The following DAB1 variants were observed in gnomAD, a reference collection of about 807,000 sequenced individuals.
The protein encoded by DAB1 is disabled homolog 1.
DAB1 carries 15 observed loss-of-function variants against 64.6 expected under a neutral mutation model. The observed-to-expected ratio is 0.23, with a 90% CI of 0.16 to 0.36. The LOEUF is 0.36. DAB1 is among the 10% of genes least tolerant of loss of function. DAB1 has a pLI of 1.00. For synonymous variants in DAB1, 235 were observed against 251.9 expected (o/e 0.93, Z 0.64); for missense variants, 596 against 706.7 (o/e 0.84, Z 1.78).
chr1:58,376,438 C>T (rs2100542145), intron 3 of DAB1, among the ~76,000 whole-genome samples: 1 of 135,306 alleles, frequency 7.4e-6, no homozygotes, highest in East Asian at 2.0e-4. Context: ...CCTTATGTAC[C>T]CAGTAGTCAT....
At chr1:58,037,848 T>C (rs1194804832) in intron 5 of DAB1, among the ~76,000 whole-genome samples, 2 of 152,142 alleles carry the variant, frequency 1.3e-5, no homozygotes, top group Non-Finnish European at 2.9e-5. Context: ...TAGATCAGGT[T>C]CATATCAGTC....
chr1:58,511,007 T>G (rs1163718812), intron 2 of DAB1, among the ~76,000 whole-genome samples: 2 of 152,180 alleles, frequency 1.3e-5, no homozygotes, highest in African/African-American at 4.8e-5. Flanking sequence ...CATCCCATGT[T>G]CATGGATTGT....
chr1:57,508,462 C>T, intron 7 of DAB1, among the ~76,000 whole-genome samples: 1 of 152,218 alleles, frequency 6.6e-6, no homozygotes, highest in Non-Finnish European at 1.5e-5. Context: ...ATAATTAGCT[C>T]CATCTTCTCA....
chr1:57,611,333 A>G lies in DAB1; in HGVS notation n.625+38259T>C, dbSNP rs189553434. Among the ~76,000 whole-genome samples the G allele has an allele frequency of 3.0e-3, 461 of 152,162 alleles. 1 individual carries two copies. Among genetic ancestry groups the G allele is most frequent in the African/African-American group, 0.011 (436 of 41,508 alleles). On this transcript the variant is annotated intron_variant and non_coding_transcript_variant, in intron 7 of 20. Transcript: ENST00000485760. ...TCTCTTTCCTGAGGACACTCCCAGAATGTTTATTGTTCTATCACCTCCTGC... is the reference window on the plus strand; with the variant it reads ...TCTCTTTCCTGAGGACACTCCCAGAGTGTTTATTGTTCTATCACCTCCTGC...
At chr1:57,975,944 A>G (rs972608524) in intron 5 of DAB1, among the ~76,000 whole-genome samples, 1 of 152,198 alleles carries the variant, frequency 6.6e-6, no homozygotes, top group African/African-American at 2.4e-5. Context: ...GCAGCCAGCA[A>G]TACTTCCAAG....
intron 7 of DAB1, among the ~76,000 whole-genome samples, chr1:57,479,817 A>T (rs1258272066): frequency 6.6e-6 from 1 of 152,194 alleles, no homozygotes; most frequent in Non-Finnish European, 1.5e-5. Flanking sequence ...TATACTTCAT[A>T]TAAATCAGCT....
chr1:57,436,087 T>C (rs1685685026), intron 7 of DAB1, among the ~76,000 whole-genome samples: 1 of 151,984 alleles, frequency 6.6e-6, no homozygotes, highest in Admixed American at 6.6e-5. Flanking sequence ...TGGCTAATTT[T>C]TGTAGTTTTA....
chr1:57,819,054 C>A (rs772813240), intron 6 of DAB1, among the ~76,000 whole-genome samples: 33 of 152,026 alleles, frequency 2.2e-4, no homozygotes, highest in Non-Finnish European at 4.4e-4. Context: ...TTCTTCTATC[C>A]CCATGAGCCT....
At chr1:58,134,829 T>C (rs1653852988) in intron 5 of DAB1, among the ~76,000 whole-genome samples, 1 of 152,118 alleles carries the variant, frequency 6.6e-6, no homozygotes, top group Non-Finnish European at 1.5e-5. Flanking sequence ...ACATGAGATT[T>C]GGGTGGGGAC....
At chr1:57,156,666 A>G (rs1472362531) in intron 2 of DAB1, among the ~76,000 whole-genome samples, 6 of 152,200 alleles carry the variant, frequency 3.9e-5, no homozygotes, top group Non-Finnish European at 8.8e-5. Flanking sequence ...GTCCTCAAGG[A>G]ATAAAATTCC....
chr1:58,367,602 A>T lies in DAB1; in HGVS notation n.258-24199T>A, dbSNP rs72669830. ...TAGACTAGCCAGCTACTTGGTGGCAAGTTAATTATCATCAGTGCCCTTCTA... is the reference window on the plus strand; with the variant it reads ...TAGACTAGCCAGCTACTTGGTGGCATGTTAATTATCATCAGTGCCCTTCTA... On this transcript the variant is annotated intron_variant and non_coding_transcript_variant, in intron 3 of 20. Transcript: ENST00000485760. Among the ~76,000 whole-genome samples, 1,122 of 152,262 alleles carry T rather than the reference A, an allele frequency of 7.4e-3. 9 individuals are homozygous for T. The highest frequency in any genetic ancestry group is 0.012 in the Admixed American group (185 of 15,298).
At chr1:57,956,784 T>C (rs1233628167) in intron 5 of DAB1, among the ~76,000 whole-genome samples, 2 of 152,328 alleles carry the variant, frequency 1.3e-5, no homozygotes, top group South Asian at 4.1e-4. Context: ...AAAAATCATA[T>C]GCAACTGAAG....
rs1473361558 is a variant in DAB1, at chr1:57,084,230, G to GTATAT, written c.307-11817_307-11816insATATA. On this transcript the variant is annotated intron_variant, in intron 4 of 14. Coordinates refer to ENST00000371236, the MANE Select transcript of DAB1 (RefSeq NM_001365792.1). The stretch of plus-strand genomic sequence containing the variant: ...GTGTCCTTATAAAAGAAGGAAATCT[G>GTATAT]GGCACAGACATGTATATGGAGAGAA... Among the ~76,000 whole-genome samples the GTATAT allele has an allele frequency of 1.1e-3, 173 of 152,270 alleles. 2 individuals are homozygous for GTATAT. The highest frequency in any genetic ancestry group is 3.9e-3 in the African/African-American group (160 of 41,552).
At chr1:58,105,739 T>G (rs888098970) in intron 5 of DAB1, among the ~76,000 whole-genome samples, 11 of 152,150 alleles carry the variant, frequency 7.2e-5, no homozygotes, top group African/African-American at 2.4e-4. Context: ...ATGAGGAAAG[T>G]AAGAAAAAGT....
At position 57,015,304 on chromosome 1, in the gene DAB1, C is replaced by G; in HGVS notation, c.1023G>C (p.Trp341Cys). 6.2e-7 allele frequency: 1 copy of G among 1,614,098 alleles called. No homozygotes were observed. The highest frequency in any genetic ancestry group is 8.5e-7 in the Non-Finnish European group (1 of 1,180,034). The change falls in exon 12 of 15, where the codon TGG becomes TGC. Residue 341 changes from tryptophan (W) to cysteine (C), a missense_variant. By Grantham distance (215) the Trp-to-Cys change is radical (BLOSUM62 -2). Around this residue, in one of 3 missense-constraint regions of DAB1, gnomAD observed 377 missense variants for 400.4 expected, o/e 0.94. Coordinates refer to ENST00000371236, the MANE Select transcript of DAB1 (RefSeq NM_001365792.1). The part of the protein sequence containing the change: ...QVMPGAQPIA[W>C]GQPGLFPATQ... ...TGGCAGGAAAGAGACCCGGCTGGCC[C>G]CATGCGATGGGCTGAGCCCCCGGCA...
chr1:57,904,516 A>C (rs1644521581), intron 5 of DAB1, among the ~76,000 whole-genome samples: 1 of 152,200 alleles, frequency 6.6e-6, no homozygotes, highest in African/African-American at 2.4e-5. Flanking sequence ...AGAAAACTGA[A>C]AATGGTAATA....
intron 3 of DAB1, among the ~76,000 whole-genome samples, chr1:58,391,766 C>T (rs78532177): frequency 6.6e-6 from 1 of 152,202 alleles, no homozygotes; most frequent in Non-Finnish European, 1.5e-5. Context: ...TGCACCCACT[C>T]TTAGTGTCGT....
intron 6 of DAB1, among the ~76,000 whole-genome samples, chr1:57,724,256 G>A (rs1400247586): frequency 6.9e-6 from 1 of 144,538 alleles, no homozygotes; most frequent in Non-Finnish European, 1.5e-5. Context: ...GGAAGGGAGG[G>A]AGGGAGGGAA....
chr1:57,681,809 A>G (rs1259090152), intron 6 of DAB1, among the ~76,000 whole-genome samples: 1 of 152,194 alleles, frequency 6.6e-6, no homozygotes, highest in Non-Finnish European at 1.5e-5. Context: ...TAAGTGTGAT[A>G]GAAGATGTGG....
Sources: gnomAD v4.1 joint callset for allele counts (sites outside exome capture counted in the v4.1 genomes callset) on GRCh38, gnomAD v4.1.1 for gene constraint, gnomAD v4.1.1 regional missense constraint, MANE v1.5 for transcripts, NCBI Gene and HGNC (gene_info 2026-07-23, HGNC 2026-07-21) for gene names.